Variants in ARHGEF3 observed in about 807,000 individuals in gnomAD.
ARHGEF3 encodes the protein 59.8 kDA protein.
ARHGEF3 carries 28 observed loss-of-function variants against 63.2 expected under a neutral mutation model. The observed-to-expected ratio is 0.44, with a 90% CI of 0.33 to 0.61. The LOEUF is 0.61. ARHGEF3 is among the 20% of genes least tolerant of loss of function. ARHGEF3 has a pLI of 0.03. For missense variants in ARHGEF3, 533 were observed against 659.3 expected (o/e 0.81, Z 2.10); for synonymous variants, 266 against 254.2 (o/e 1.05, Z -0.44).
chr3:56,901,455 A>G (rs1297700237), intron 3 of ARHGEF3, among the ~76,000 whole-genome samples: 4 of 151,890 alleles, frequency 2.6e-5, no homozygotes, highest in Non-Finnish European at 5.9e-5. Context: ...GTATATATAT[A>G]TATACAGTTG....
intron 4 of ARHGEF3, among the ~76,000 whole-genome samples, chr3:56,860,041 G>T (rs373951969): frequency 1.3e-5 from 2 of 150,378 alleles, no homozygotes; most frequent in Admixed American, 6.6e-5. Flanking sequence ...GGTCTCAAGA[G>T]AGATAGATAG....
intron 2 of ARHGEF3, among the ~76,000 whole-genome samples, chr3:56,996,511 T>G (rs895476308): frequency 1.3e-5 from 2 of 152,176 alleles, no homozygotes; most frequent in Admixed American, 6.5e-5. Flanking sequence ...CCAGAGAGCT[T>G]CTTTCCTTTC....
intron 2 of ARHGEF3, among the ~76,000 whole-genome samples, chr3:57,000,947 A>AC (rs1553802012): frequency 1.3e-5 from 2 of 150,672 alleles, no homozygotes; most frequent in African/African-American, 4.9e-5. Flanking sequence ...TTATTTTTTA[A>AC]TTTTTTTTTA....
intron 2 of ARHGEF3, among the ~76,000 whole-genome samples, chr3:56,980,256 G>A (rs4434121): frequency 0.14 from 20,728 of 152,186 alleles, 1,561 homozygotes; most frequent in Admixed American, 0.23. Flanking sequence ...TGCTTTTAAA[G>A]CCTAGCCCAC....
At chr3:56,764,231 T>G (rs188381280) in intron 2 of ARHGEF3, among the ~76,000 whole-genome samples, 156 of 152,290 alleles carry the variant, frequency 1.0e-3, no homozygotes, top group Non-Finnish European at 1.7e-3. Context: ...ATTTGCATAG[T>G]GCAAGTCCAA....
At chr3:56,968,233 T>C (rs1238674391) in intron 2 of ARHGEF3, among the ~76,000 whole-genome samples, 1 of 37,154 alleles carries the variant, frequency 2.7e-5, no homozygotes, top group Admixed American at 5.6e-4. Context: ...AATATATATA[T>C]AAATATATAT....
At chr3:56,969,752 CAA>C (rs138504813) in intron 2 of ARHGEF3, among the ~76,000 whole-genome samples, 1 of 134,236 alleles carries the variant, frequency 7.4e-6, no homozygotes, top group African/African-American at 2.9e-5. Flanking sequence ...GACTCCGTAT[CAA>C]AAAAAAAAAA....
At chr3:56,777,346 G>T (rs1450565262) in intron 1 of ARHGEF3, among the ~76,000 whole-genome samples, 1 of 152,092 alleles carries the variant, frequency 6.6e-6, no homozygotes, top group Admixed American at 6.5e-5. Context: ...AGAGAATAAA[G>T]GCATACAGGT....
chr3:56,953,342 G>A (rs780483509), intron 3 of ARHGEF3, among the ~76,000 whole-genome samples: 85 of 152,298 alleles, frequency 5.6e-4, no homozygotes, highest in South Asian at 3.1e-3. Flanking sequence ...TTCTATACAC[G>A]GAGAATGGAA....
chr3:56,868,045 C>G (rs2040313844), intron 4 of ARHGEF3, among the ~76,000 whole-genome samples: 2 of 152,114 alleles, frequency 1.3e-5, no homozygotes, highest in Non-Finnish European at 1.5e-5. Flanking sequence ...CTACTAATAA[C>G]AATGTACAGA....
intron 8 of ARHGEF3, among the ~76,000 whole-genome samples, chr3:56,734,384 G>T (rs1247279401): frequency 1.3e-5 from 2 of 152,088 alleles, no homozygotes; most frequent in African/African-American, 4.8e-5. Flanking sequence ...GGTTCACATG[G>T]GCATAAAGAT....
intron 4 of ARHGEF3, among the ~76,000 whole-genome samples, chr3:56,855,236 A>C (rs1357714015): frequency 2.6e-5 from 4 of 152,134 alleles, no homozygotes; most frequent in Admixed American, 6.5e-5. Flanking sequence ...GAAGGTTGTC[A>C]AGCACTATTT....
intron 4 of ARHGEF3, among the ~76,000 whole-genome samples, chr3:56,843,401 G>GGT (rs890820349): frequency 9.2e-5 from 14 of 151,442 alleles, no homozygotes; most frequent in African/African-American, 3.4e-4. Flanking sequence ...TGGGACTACA[G>GGT]GTATGTGCCA....
chr3:57,042,766 A>C (rs1215413771), intron 1 of ARHGEF3, among the ~76,000 whole-genome samples: 2 of 140,144 alleles, frequency 1.4e-5, no homozygotes, highest in Admixed American at 7.7e-5. Context: ...GCGTGATCTC[A>C]GCTCACTGCA....
chr3:57,019,779 T>A (rs1703171286), intron 2 of ARHGEF3, among the ~76,000 whole-genome samples: 1 of 152,192 alleles, frequency 6.6e-6, no homozygotes, highest in African/African-American at 2.4e-5. Context: ...CAAGAAGGAT[T>A]ATTATATGTG....
In ARHGEF3 at chr3:56,737,242, C is replaced by G. The variant is rs1349312149; in HGVS notation, c.984G>C (p.Leu328=). The change falls in exon 8 of 10, where the codon CTG becomes CTC. Residue 328 remains leucine, a synonymous_variant. Coordinates refer to ENST00000296315, the MANE Select transcript of ARHGEF3 (RefSeq NM_019555.3). ...LYLEEGQKDS[L]IDSSRVLCCH... ...AACACAAGACTCGAGAGCTGTCGAT[C>G]AGGGAGTCTTTCTGGCCTTCTTCCA... The G allele has an allele frequency of 2.5e-6, 4 of 1,613,986 alleles. No individual in the cohort carries two copies. The highest frequency in any genetic ancestry group is 3.4e-6 in the Non-Finnish European group (4 of 1,179,978).
intron 2 of ARHGEF3, among the ~76,000 whole-genome samples, chr3:57,013,482 T>A (rs902667701): frequency 2.0e-5 from 3 of 152,238 alleles, no homozygotes; most frequent in Non-Finnish European, 4.4e-5. Context: ...AACTTTTATG[T>A]CTAGCTAGAG....
chr3:57,051,689 C>T (rs1476821416), intron 1 of ARHGEF3, among the ~76,000 whole-genome samples: 2 of 152,010 alleles, frequency 1.3e-5, no homozygotes, highest in Non-Finnish European at 2.9e-5. Flanking sequence ...CCAGGCCAGG[C>T]ACGGTGGCTC....
At chr3:57,028,997 ACACAC>A (rs1179394907) in intron 2 of ARHGEF3, among the ~76,000 whole-genome samples, 2 of 151,780 alleles carry the variant, frequency 1.3e-5, no homozygotes, top group African/African-American at 4.8e-5. Flanking sequence ...ACACACACAC[ACACAC>A]ACACACACAC....
Sources: gnomAD v4.1 joint callset for allele counts (sites outside exome capture counted in the v4.1 genomes callset) on GRCh38, gnomAD v4.1.1 for gene constraint, MANE v1.5 for transcripts, NCBI Gene and HGNC (gene_info 2026-07-23, HGNC 2026-07-21) for gene names.